The following NRXN1 variants were observed in gnomAD, a reference collection of about 807,000 sequenced individuals.
NRXN1 encodes the protein neurexin 1, also known as neurexin-1.
In NRXN1, 39 loss-of-function variants were observed where a neutral mutation model predicts 150.9. The ratio of observed to expected loss-of-function variants is 0.26; its 90% CI spans 0.20 to 0.34. The LOEUF (loss-of-function observed/expected upper bound fraction) is 0.34, where lower values mean the gene tolerates loss of function less well. Ranked by LOEUF, NRXN1 falls within the 10% of genes least tolerant of loss-of-function variation. The pLI is 1.00. For synonymous variants in NRXN1, 924 were observed against 757.0 expected (o/e 1.22, Z -3.62); for missense variants, 1,815 against 1,949.9 (o/e 0.93, Z 1.30).
chr2:50,234,979 CA>C (rs2065282750), intron 18 of NRXN1, among the ~76,000 whole-genome samples: 1 of 152,094 alleles, frequency 6.6e-6, no homozygotes, highest in South Asian at 2.1e-4. Context: ...CCTATTCTTG[CA>C]GTCTAAAACT....
chr2:49,939,461 T>C (rs1671601429), intron 22 of NRXN1, among the ~76,000 whole-genome samples: 2 of 152,314 alleles, frequency 1.3e-5, no homozygotes, highest in East Asian at 1.9e-4. Context: ...GAAGCCATCC[T>C]TTTGTATTCT....
chr2:51,000,714 T>C (rs1699926958), intron 2 of NRXN1, among the ~76,000 whole-genome samples: 1 of 151,952 alleles, frequency 6.6e-6, no homozygotes, highest in African/African-American at 2.4e-5. Flanking sequence ...ATTTCTTTAA[T>C]TTTAATATTA....
intron 15 of NRXN1, among the ~76,000 whole-genome samples, chr2:50,474,916 A>C (rs1231702084): frequency 6.6e-6 from 1 of 151,446 alleles, no homozygotes. Flanking sequence ...GAAGGGAACT[A>C]AAATTGCCTG....
At chr2:50,364,990 A>G (rs2079486946) in intron 17 of NRXN1, among the ~76,000 whole-genome samples, 1 of 152,104 alleles carries the variant, frequency 6.6e-6, no homozygotes, top group Non-Finnish European at 1.5e-5. Context: ...AGAAAAACCA[A>G]ACTTCCTTTA....
intron 15 of NRXN1, among the ~76,000 whole-genome samples, chr2:50,490,283 T>C (rs1287783414): frequency 1.3e-5 from 2 of 152,174 alleles, no homozygotes; most frequent in Non-Finnish European, 2.9e-5. Flanking sequence ...AACCCTTTAA[T>C]TTCACCTTTC....
chr2:50,858,547 G>GAA (rs1675605304), intron 5 of NRXN1, among the ~76,000 whole-genome samples: 2 of 151,424 alleles, frequency 1.3e-5, no homozygotes, highest in Non-Finnish European at 2.9e-5. Flanking sequence ...AAGTCTTGAA[G>GAA]AAAAATACCA....
intron 2 of NRXN1, among the ~76,000 whole-genome samples, chr2:50,974,082 T>C (rs934113366): frequency 4.6e-5 from 7 of 152,082 alleles, no homozygotes; most frequent in African/African-American, 1.7e-4. Flanking sequence ...GTGATCCAAG[T>C]TTCCCAAACA....
intron 2 of NRXN1, among the ~76,000 whole-genome samples, chr2:50,933,446 C>T (rs1272154169): frequency 1.3e-5 from 2 of 152,074 alleles, no homozygotes; most frequent in Non-Finnish European, 2.9e-5. Context: ...AACTGAGCAG[C>T]AAATTATAAT....
chr2:50,680,638 C>T (rs1211553582), intron 5 of NRXN1, among the ~76,000 whole-genome samples: 3 of 151,914 alleles, frequency 2.0e-5, no homozygotes, highest in South Asian at 4.1e-4. Context: ...AAGAATATTA[C>T]ACAGCCTTTG....
chr2:50,011,391 A>G (rs1460464408), intron 21 of NRXN1, among the ~76,000 whole-genome samples: 3 of 152,176 alleles, frequency 2.0e-5, no homozygotes, highest in African/African-American at 7.2e-5. Flanking sequence ...AGAAATAAAC[A>G]TGTTCAGAGA....
intron 2 of NRXN1, among the ~76,000 whole-genome samples, chr2:50,979,963 A>G (rs2104871810): frequency 1.3e-5 from 2 of 152,280 alleles, no homozygotes; most frequent in Middle Eastern, 3.4e-3. Flanking sequence ...TGTTCTCTAT[A>G]AATAATATAA....
At chr2:49,961,540 C>A (rs542697061) in intron 21 of NRXN1, among the ~76,000 whole-genome samples, 1 of 152,068 alleles carries the variant, frequency 6.6e-6, no homozygotes, top group East Asian at 1.9e-4. Context: ...ACCCAGAAAA[C>A]ACAACAATCA....
intron 18 of NRXN1, among the ~76,000 whole-genome samples, chr2:50,203,258 C>G (rs1263350243): frequency 5.3e-5 from 8 of 152,160 alleles, no homozygotes; most frequent in Non-Finnish European, 8.8e-5. Context: ...ACAAAGCTAA[C>G]AACAGCAAGG....
intron 18 of NRXN1, among the ~76,000 whole-genome samples, chr2:50,146,443 G>A (rs544644098): frequency 1.3e-3 from 197 of 151,784 alleles, no homozygotes; most frequent in Non-Finnish European, 1.7e-3. Flanking sequence ...GCCCATCAAT[G>A]ATAGACTGGA....
At chr2:50,099,588 A>G (rs925190379) in intron 18 of NRXN1, among the ~76,000 whole-genome samples, 18 of 152,114 alleles carry the variant, frequency 1.2e-4, no homozygotes, top group Non-Finnish European at 1.8e-4. Flanking sequence ...CATTATTATT[A>G]TTATTGCTAC....
At chr2:50,769,599 A>G (rs1226581693) in intron 5 of NRXN1, among the ~76,000 whole-genome samples, 3 of 152,088 alleles carry the variant, frequency 2.0e-5, no homozygotes, top group African/African-American at 7.2e-5. Flanking sequence ...TTAGGAAACC[A>G]GTAACCACGG....
chr2:50,759,826 CTGTGTG>C (rs72209781), intron 5 of NRXN1, among the ~76,000 whole-genome samples: 4,090 of 142,278 alleles, frequency 0.029, 112 homozygotes, highest in African/African-American at 0.062. Flanking sequence ...TCTAACTAAG[CTGTGTG>C]TGTGTGTGTG....
intron 2 of NRXN1, among the ~76,000 whole-genome samples, chr2:50,961,166 C>T (rs192562638): frequency 5.3e-5 from 8 of 151,946 alleles, no homozygotes; most frequent in Admixed American, 1.3e-4. Flanking sequence ...ATTTGTTTCT[C>T]TCGATAATCC....
chr2:50,178,206 C>T (rs2060469548), intron 18 of NRXN1, among the ~76,000 whole-genome samples: 1 of 152,050 alleles, frequency 6.6e-6, no homozygotes, highest in African/African-American at 2.4e-5. Flanking sequence ...CTGAGAACAA[C>T]TTGGCCAGCT....
Sources: allele counts gnomAD v4.1 joint callset (sites outside exome capture counted in the v4.1 genomes callset), GRCh38; gene constraint gnomAD v4.1.1; transcripts MANE v1.5; gene names NCBI Gene and HGNC (gene_info 2026-07-23, HGNC 2026-07-21).